The following LSAMP variants were observed in gnomAD, a reference collection of about 807,000 sequenced individuals.
The protein encoded by LSAMP is limbic system associated membrane protein, also known as limbic system-associated membrane protein.
In LSAMP, 7 loss-of-function variants were observed where a neutral mutation model predicts 38.6. The ratio of observed to expected loss-of-function variants is 0.18; its 90% confidence interval spans 0.10 to 0.34. The LOEUF (loss-of-function observed/expected upper bound fraction) is 0.34. LSAMP is among the 10% of genes least tolerant of loss of function. The probability of loss-of-function intolerance (pLI) is 1.00; values close to 1 mark genes in which losing one functional copy is unlikely to be tolerated. For missense variants in LSAMP, 313 were observed against 420.0 expected, an observed-to-expected ratio of 0.75 and a Z score of 2.23; for synonymous variants, 154 against 166.8, an observed-to-expected ratio of 0.92 and a Z score of 0.59.
At chr3:116,245,424 ATTTTC>A (rs952280936) in intron 1 of LSAMP, among the ~76,000 whole-genome samples, 1 of 152,134 alleles carries the variant, frequency 6.6e-6, no homozygotes, top group African/African-American at 2.4e-5. Flanking sequence ...AAAAATCTCT[ATTTTC>A]TTATTGCCCA....
Position 116,064,951 on chromosome 3 carries a change from A to C in LSAMP, c.388+21373T>G, listed in dbSNP as rs538834055. ...GCATTTTGGCAAGTCCATAGTCTGA[A>C]GCTCTAAATGTGAAGTTCAATGCAA... On this transcript the variant is annotated intron_variant, in intron 2 of 6. Transcript: ENST00000490035. Among the ~76,000 whole-genome samples, 6 of 152,350 alleles carry C rather than the reference A, an allele frequency of 3.9e-5. No individual in the cohort carries two copies. In the South Asian group the frequency reaches 8.3e-4, roughly 21 times the overall value.
At chr3:116,325,399 C>A (rs754541792) in intron 1 of LSAMP, among the ~76,000 whole-genome samples, 2 of 152,118 alleles carry the variant, frequency 1.3e-5, no homozygotes, top group Non-Finnish European at 2.9e-5. Context: ...ACTCTTATCC[C>A]TGTCTTAACA....
At chr3:116,161,444 C>T (rs898821167) in intron 1 of LSAMP, among the ~76,000 whole-genome samples, 2 of 152,160 alleles carry the variant, frequency 1.3e-5, no homozygotes, top group Non-Finnish European at 2.9e-5. Flanking sequence ...TTTATTTGTA[C>T]TTGAAATGAC....
At chr3:116,234,413 C>T (rs1483255169) in intron 1 of LSAMP, among the ~76,000 whole-genome samples, 1 of 151,950 alleles carries the variant, frequency 6.6e-6, no homozygotes, top group Non-Finnish European at 1.5e-5. Flanking sequence ...GACACTGTAG[C>T]CAGCTTAGAG....
At chr3:116,172,361 T>G (rs929663808) in intron 1 of LSAMP, among the ~76,000 whole-genome samples, 1 of 151,960 alleles carries the variant, frequency 6.6e-6, no homozygotes, top group Non-Finnish European at 1.5e-5. Flanking sequence ...CCTTTTTTTT[T>G]TTTTTACTTG....
intron 3 of LSAMP, among the ~76,000 whole-genome samples, chr3:115,866,787 T>G (rs1441580705): frequency 6.6e-6 from 1 of 152,098 alleles, no homozygotes; most frequent in African/African-American, 2.4e-5. Context: ...CCAAGCAGGA[T>G]AAATTACCTC....
chr3:115,882,822 T>C (rs1332325150), intron 3 of LSAMP, among the ~76,000 whole-genome samples: 1 of 152,044 alleles, frequency 6.6e-6, no homozygotes, highest in African/African-American at 2.4e-5. Context: ...TTTTTATGGT[T>C]GTAACAAGCT....
chr3:116,120,118 T>C (rs1197732718), intron 1 of LSAMP, among the ~76,000 whole-genome samples: 1 of 152,072 alleles, frequency 6.6e-6, no homozygotes, highest in Non-Finnish European at 1.5e-5. Flanking sequence ...GATAAAGACA[T>C]ATAAACTTTT....
At chr3:116,182,360 TTAAA>T (rs984409283) in intron 1 of LSAMP, among the ~76,000 whole-genome samples, 1 of 151,154 alleles carries the variant, frequency 6.6e-6, no homozygotes, top group African/African-American at 2.4e-5. Flanking sequence ...GATTTTTAAA[TTAAA>T]TATATATTGA....
intron 3 of LSAMP, among the ~76,000 whole-genome samples, chr3:115,995,994 A>G (rs1181807658): frequency 6.6e-6 from 1 of 152,018 alleles, no homozygotes; most frequent in African/African-American, 2.4e-5. Flanking sequence ...TACTATGATT[A>G]CCCAACAACT....
intron 1 of LSAMP, among the ~76,000 whole-genome samples, chr3:116,239,793 A>C (rs2046509124): frequency 6.6e-6 from 1 of 152,204 alleles, no homozygotes; most frequent in Admixed American, 6.5e-5. Context: ...CTAAATCTAA[A>C]ATGTAAAACT....
chr3:115,818,179 C>T (rs1329030868), intron 6 of LSAMP, among the ~76,000 whole-genome samples: 2 of 152,152 alleles, frequency 1.3e-5, no homozygotes, highest in African/African-American at 2.4e-5. Flanking sequence ...CAAGAGGTAT[C>T]ACTGGGATAT....
At chr3:115,834,703 T>G (rs1381450613) in intron 6 of LSAMP, 1 of 423,556 alleles carries the variant, frequency 2.4e-6, no homozygotes. Context: ...TGAATTTCCA[T>G]GCTTACAGGA....
At chr3:116,131,838 T>C (rs545938568) in intron 1 of LSAMP, among the ~76,000 whole-genome samples, 1 of 151,642 alleles carries the variant, frequency 6.6e-6, no homozygotes, top group East Asian at 1.9e-4. Flanking sequence ...TTTTCTTTTT[T>C]TTTTTTTGAG....
chr3:115,914,956 A>G (rs559577834), intron 3 of LSAMP, among the ~76,000 whole-genome samples: 1 of 152,344 alleles, frequency 6.6e-6, no homozygotes, highest in Non-Finnish European at 1.5e-5. Context: ...AGGGGGTGCA[A>G]GAATAATCAC....
chr3:116,329,159 A>G (rs2047815714), intron 1 of LSAMP, among the ~76,000 whole-genome samples: 2 of 152,180 alleles, frequency 1.3e-5, no homozygotes, highest in African/African-American at 4.8e-5. Context: ...GGAAGCAGGT[A>G]TTGAGCTTTA....
chr3:116,417,490 G>A (rs1446052177), intron 1 of LSAMP, among the ~76,000 whole-genome samples: 1 of 152,130 alleles, frequency 6.6e-6, no homozygotes, highest in Admixed American at 6.6e-5. Context: ...GCACTTCAGG[G>A]GCTGTGTAAT....
chr3:116,330,553 C>T (rs551250718), intron 1 of LSAMP, among the ~76,000 whole-genome samples: 8 of 152,042 alleles, frequency 5.3e-5, no homozygotes, highest in Admixed American at 1.3e-4. Flanking sequence ...CATGCTCCCC[C>T]CCCCACAACC....
At chr3:115,960,568 A>G (rs1356990096) in intron 3 of LSAMP, among the ~76,000 whole-genome samples, 1 of 152,104 alleles carries the variant, frequency 6.6e-6, no homozygotes, top group African/African-American at 2.4e-5. Context: ...CCAAGTCAGC[A>G]TGTTAATTTT....
Sources: gnomAD v4.1 joint callset for allele counts (sites outside exome capture counted in the v4.1 genomes callset) on GRCh38, gnomAD v4.1.1 for gene constraint, MANE v1.5 for transcripts, NCBI Gene and HGNC (gene_info 2026-07-23, HGNC 2026-07-21) for gene names.